KIF26B: variants seen among roughly 807,000 people sequenced by gnomAD.
KIF26B encodes the protein kinesin-like protein KIF26B.
A neutral mutation model predicts 151.2 loss-of-function variants in KIF26B; 63 were observed. The ratio of observed to expected loss-of-function variants is 0.42; its 90% CI spans 0.34 to 0.51. KIF26B has a LOEUF of 0.51. KIF26B is among the 20% of genes least tolerant of loss of function. The probability of loss-of-function intolerance (pLI) is 0.07; values close to 1 mark genes in which losing one functional copy is unlikely to be tolerated. For missense variants in KIF26B, 2,813 were observed against 2,913.6 expected (o/e 0.97, Z 0.79); for synonymous variants, 1,357 against 1,262.1 (o/e 1.08, Z -1.59).
chr1:245,270,692 T>C (rs1355043349), intron 2 of KIF26B, among the ~76,000 whole-genome samples: 1 of 152,218 alleles, frequency 6.6e-6, no homozygotes, highest in Non-Finnish European at 1.5e-5. Flanking sequence ...AGATAGATGG[T>C]TTGCATGTAT....
At chr1:245,377,438 G>T (rs774996297) in intron 3 of KIF26B, among the ~76,000 whole-genome samples, 3 of 152,134 alleles carry the variant, frequency 2.0e-5, no homozygotes, top group Non-Finnish European at 2.9e-5. Flanking sequence ...AAGCCATTGG[G>T]TTTAGAGTCT....
intron 2 of KIF26B, among the ~76,000 whole-genome samples, chr1:245,263,409 C>T (rs1670682913): frequency 1.3e-5 from 2 of 152,334 alleles, no homozygotes; most frequent in Non-Finnish European, 1.5e-5. Flanking sequence ...TGCTTCCCTT[C>T]TCACTCAGTA....
chr1:245,492,820 G>A (rs191961249), intron 4 of KIF26B, among the ~76,000 whole-genome samples: 61 of 152,078 alleles, frequency 4.0e-4, no homozygotes, highest in Non-Finnish European at 6.3e-4. Context: ...TTGCTCTGTC[G>A]CCCAGGCTGG....
chr1:245,300,826 G>A (rs185210772), intron 2 of KIF26B, among the ~76,000 whole-genome samples: 47 of 149,856 alleles, frequency 3.1e-4, no homozygotes, highest in African/African-American at 1.0e-3. Flanking sequence ...ACCAAGCCCG[G>A]CCGAATTTTT....
chr1:245,497,519 A>G (rs1176976700), intron 4 of KIF26B, among the ~76,000 whole-genome samples: 2 of 152,182 alleles, frequency 1.3e-5, no homozygotes, highest in Non-Finnish European at 1.5e-5. Flanking sequence ...TTTAGAAATT[A>G]AGCATTCTAC....
At chr1:245,232,095 C>T (rs149128693) in intron 2 of KIF26B, among the ~76,000 whole-genome samples, 15 of 152,288 alleles carry the variant, frequency 9.8e-5, no homozygotes, top group Non-Finnish European at 1.8e-4. Context: ...AGAGATTAAT[C>T]GGACGTATCC....
rs1205115654 is a variant in KIF26B, at chr1:245,602,823, G to C, written c.1557+40G>C. On this transcript the variant is annotated intron_variant, in intron 6 of 14. Transcript: ENST00000407071. This position sits in a 1 kb window ranked among gnomAD's most constrained non-coding sequence, Gnocchi z 4.5. ...CCTCTCAGGCTCAGGCAACGTTGAT[G>C]AAAGGGCAACGTTTACTCATTCACA... The C allele has an allele frequency of 6.3e-7, 1 of 1,581,330 alleles. No homozygotes were observed. Among genetic ancestry groups the C allele is most frequent in the Non-Finnish European group, 8.7e-7 (1 of 1,151,638 alleles).
At chr1:245,246,016 T>C (rs897156967) in intron 2 of KIF26B, among the ~76,000 whole-genome samples, 1 of 148,372 alleles carries the variant, frequency 6.7e-6, no homozygotes, top group African/African-American at 2.5e-5. Context: ...CGCTTGAACC[T>C]GGGAGGCGGA....
intron 5 of KIF26B, among the ~76,000 whole-genome samples, chr1:245,543,665 G>A (rs901067861): frequency 2.6e-5 from 4 of 152,172 alleles, no homozygotes; most frequent in African/African-American, 9.7e-5. Context: ...GGAACAAGAA[G>A]TTGGCTGGGC....
chr1:245,319,595 T>C (rs180943326), intron 2 of KIF26B, among the ~76,000 whole-genome samples: 1 of 152,294 alleles, frequency 6.6e-6, no homozygotes, highest in Admixed American at 6.5e-5. Flanking sequence ...ATCTCCAAAC[T>C]TTGTCCTCTC....
chr1:245,689,702 C>T (rs959708645), intron 12 of KIF26B, among the ~76,000 whole-genome samples: 11 of 152,156 alleles, frequency 7.2e-5, no homozygotes, highest in Admixed American at 3.3e-4. Flanking sequence ...GGATTACAAG[C>T]GTGCACCACC....
At chr1:245,399,107 G>T (rs1191128150) in intron 3 of KIF26B, among the ~76,000 whole-genome samples, 2 of 152,114 alleles carry the variant, frequency 1.3e-5, no homozygotes, top group Admixed American at 6.6e-5. Flanking sequence ...TTACAGCATT[G>T]TCTCCCTCCA....
chr1:245,655,548 C>T (rs529508481), intron 10 of KIF26B, among the ~76,000 whole-genome samples: 1 of 152,180 alleles, frequency 6.6e-6, no homozygotes, highest in Non-Finnish European at 1.5e-5. Flanking sequence ...TCTACAGGCT[C>T]TGCACGAAAG....
At chr1:245,163,475 G>GCTCTA (rs1195148103) in intron 2 of KIF26B, among the ~76,000 whole-genome samples, 2 of 152,082 alleles carry the variant, frequency 1.3e-5, no homozygotes, top group Non-Finnish European at 2.9e-5. Context: ...TCTGTAGCAT[G>GCTCTA]TTTTCATGTT....
intron 10 of KIF26B, among the ~76,000 whole-genome samples, chr1:245,655,185 C>G (rs969900585): frequency 6.6e-6 from 1 of 152,224 alleles, no homozygotes; most frequent in Non-Finnish European, 1.5e-5. Flanking sequence ...CTCAGACGCT[C>G]TCCCTGAGCT....
chr1:245,445,270 G>T (rs1423186049), intron 4 of KIF26B, among the ~76,000 whole-genome samples: 5 of 152,150 alleles, frequency 3.3e-5, no homozygotes, highest in Non-Finnish European at 7.3e-5. Flanking sequence ...CATCTTCCAG[G>T]CAACCCCAGC....
chr1:245,412,380 G>T (rs948383801), intron 3 of KIF26B, among the ~76,000 whole-genome samples: 2 of 152,182 alleles, frequency 1.3e-5, no homozygotes, highest in Non-Finnish European at 2.9e-5. Context: ...GACTGAGTAG[G>T]AAGCAATTGC....
chr1:245,684,134 C>G, intron 10 of KIF26B, 99 bp from the exon 11 acceptor site: 1 of 1,308,364 alleles, frequency 7.6e-7, no homozygotes, highest in Non-Finnish European at 1.1e-6. Flanking sequence ...GGGGGACCAC[C>G]ACCCACAACA....
intron 2 of KIF26B, among the ~76,000 whole-genome samples, chr1:245,226,690 C>T (rs1401618122): frequency 5.3e-5 from 8 of 151,992 alleles, no homozygotes; most frequent in South Asian, 2.1e-4. Flanking sequence ...CTCAAACTCC[C>T]GACCTCAGGT....
Sources: gnomAD v4.1 joint callset for allele counts (sites outside exome capture counted in the v4.1 genomes callset) on GRCh38, gnomAD v4.1.1 for gene constraint, Gnocchi (gnomAD v3.1) non-coding constraint, MANE v1.5 for transcripts, NCBI Gene and HGNC (gene_info 2026-07-23, HGNC 2026-07-21) for gene names.